The following KATNAL1 variants were observed in gnomAD, a reference collection of about 807,000 sequenced individuals.
The protein encoded by KATNAL1 is katanin p60 ATPase-containing subunit A-like 1.
KATNAL1 carries 32 observed loss-of-function variants against 55.2 expected under a neutral mutation model. The ratio of observed to expected loss-of-function variants is 0.58; its 90% CI spans 0.44 to 0.78. KATNAL1 has a LOEUF of 0.78. Ranked by LOEUF, KATNAL1 falls within the 30% of genes least tolerant of loss-of-function variation. The pLI, the probability that KATNAL1 is intolerant of heterozygous loss-of-function variation, is 0.00. For synonymous variants in KATNAL1, 193 were observed against 193.6 expected (o/e 1.00, Z 0.02); for missense variants, 466 against 600.9 (o/e 0.78, Z 2.35).
chr13:30,223,457 A>C lies in KATNAL1; in HGVS notation c.1147+3955T>G, dbSNP rs566931991. On this transcript the variant is annotated intron_variant, in intron 9 of 10. Transcript: ENST00000380615. ...ACTCCATCTCAAAAAAAAAAAAAAA[A>C]AAAAAAAAAACTGCACCGTAAATAT... 2.9e-4 allele frequency among the ~76,000 whole-genome samples: 44 copies of C among 150,868 alleles called. No individual in the cohort carries two copies. The South Asian group carries it at 8.8e-3, about 30-fold the overall frequency.
At chr13:30,290,924 T>C (rs530119547) in intron 1 of KATNAL1, among the ~76,000 whole-genome samples, 63 of 152,304 alleles carry the variant, frequency 4.1e-4, no homozygotes, top group African/African-American at 1.5e-3. Flanking sequence ...TAAGAATGCT[T>C]AGCAAACTAA....
intron 3 of KATNAL1, among the ~76,000 whole-genome samples, chr13:30,279,551 G>A (rs544648718): frequency 1.3e-5 from 2 of 152,318 alleles, no homozygotes; most frequent in South Asian, 4.1e-4. Context: ...CGTAAATGAT[G>A]CACAGGCTGG....
intron 8 of KATNAL1, among the ~76,000 whole-genome samples, chr13:30,230,102 G>A (rs1299680551): frequency 1.3e-5 from 2 of 152,032 alleles, no homozygotes; most frequent in Admixed American, 6.6e-5. Flanking sequence ...GAGAATGAGA[G>A]TGAAAAAGAA....
chr13:30,249,840 T>C (rs1398230770), intron 4 of KATNAL1, among the ~76,000 whole-genome samples: 2 of 152,342 alleles, frequency 1.3e-5, no homozygotes, highest in East Asian at 3.9e-4. Flanking sequence ...AGTGAGATGC[T>C]GAAGTTGTTT....
intron 4 of KATNAL1, among the ~76,000 whole-genome samples, chr13:30,250,074 A>C (rs1878159727): frequency 6.6e-6 from 1 of 152,208 alleles, no homozygotes; most frequent in Non-Finnish European, 1.5e-5. Context: ...ACACCATAGA[A>C]TGGTAGGCTG....
rs1880187493 is a variant in KATNAL1, at chr13:30,270,160, A to G, written c.323+9903T>C. Among the ~76,000 whole-genome samples the G allele has an allele frequency of 1.6e-5, 2 of 125,334 alleles. 1 individual carries two copies. The highest frequency in any genetic ancestry group is 3.5e-5 in the Non-Finnish European group (2 of 57,256). 82.2% of individuals were successfully genotyped at this position (125,334 alleles called of 152,430 possible). A position where few individuals can be genotyped will look rare whatever the true frequency, so the allele number is the denominator to read the frequency against. ...CGGCCGCCCCTACTGGGAAGTGAGG[A>G]GCCTCTCTGCCCAGCCAGCCGCCTC... On this transcript the variant is annotated intron_variant, in intron 3 of 10. Transcript: ENST00000380615.
rs1270504726 is a variant in KATNAL1 at position 30,203,866 on chromosome 13, A to C, written c.*4674T>G. 4 of 151,970 alleles carry C rather than the reference A, an allele frequency of 2.6e-5. No homozygotes were observed. The highest frequency in any genetic ancestry group is 6.5e-5 in the Admixed American group (1 of 15,268). 9.4% of individuals were successfully genotyped at this position (151,970 alleles called of 1,614,324 possible). A position where few individuals can be genotyped will look rare whatever the true frequency, so the allele number is the denominator to read the frequency against. On this transcript the variant is annotated 3_prime_UTR_variant, in exon 11 of 11. Coordinates refer to ENST00000380615, the MANE Select transcript of KATNAL1 (RefSeq NM_032116.5). ...AAAATACACAATTTCCACATTAAGAAACAAATATTAAAAGCAAATGTCAAA... is the reference window on the plus strand; with the variant it reads ...AAAATACACAATTTCCACATTAAGACACAAATATTAAAAGCAAATGTCAAA...
rs561403258 is a variant in KATNAL1 at position 30,203,747 on chromosome 13, CT to C, written c.*4792del. On this transcript the variant is annotated 3_prime_UTR_variant, in exon 11 of 11. Coordinates refer to ENST00000380615, the MANE Select transcript of KATNAL1 (RefSeq NM_032116.5). ...AATATCATTAAAGCTAAACAGTTGT[CT>C]GGAGCCAAAAAACCTAATAAAAATT... 115 of 152,100 alleles carry C rather than the reference CT, an allele frequency of 7.6e-4. No homozygotes were observed. The highest frequency in any genetic ancestry group is 2.7e-3 in the African/African-American group (111 of 41,522). The allele number at this position is 152,100 out of a possible 1,614,324, so 9.4% of individuals were successfully genotyped here. A position where few individuals can be genotyped will look rare whatever the true frequency, so the allele number is the denominator to read the frequency against.
At chr13:30,289,075 G>A (rs1179555475) in intron 1 of KATNAL1, among the ~76,000 whole-genome samples, 2 of 152,030 alleles carry the variant, frequency 1.3e-5, no homozygotes, top group African/African-American at 4.8e-5. Flanking sequence ...CTTCATTCAG[G>A]TTGCATGCCA....
At chr13:30,221,608 TAC>T (rs1874865072) in intron 9 of KATNAL1, among the ~76,000 whole-genome samples, 1 of 152,362 alleles carries the variant, frequency 6.6e-6, no homozygotes, top group African/African-American at 2.4e-5. Flanking sequence ...TACTAAAACT[TAC>T]AGACTTTACA....
chr13:30,260,455 G>T (rs918896256), intron 3 of KATNAL1, among the ~76,000 whole-genome samples: 1 of 152,178 alleles, frequency 6.6e-6, no homozygotes, highest in African/African-American at 2.4e-5. Context: ...CAAAGGCAAA[G>T]AAGTTGAAAA....
chr13:30,234,485 C>CTCTTTT (rs1566097152), intron 6 of KATNAL1, among the ~76,000 whole-genome samples: 147 of 152,278 alleles, frequency 9.7e-4, no homozygotes, highest in African/African-American at 3.3e-3. Context: ...CTTCTTGAAA[C>CTCTTTT]CCTGACACTG....
At chr13:30,250,427 C>T (rs1382118500) in intron 4 of KATNAL1, among the ~76,000 whole-genome samples, 1 of 152,170 alleles carries the variant, frequency 6.6e-6, no homozygotes, top group East Asian at 1.9e-4. Flanking sequence ...CACACATACA[C>T]CTTTTTTTCA....
intron 1 of KATNAL1, among the ~76,000 whole-genome samples, chr13:30,291,758 G>A (rs942324773): frequency 1.3e-5 from 2 of 152,144 alleles, no homozygotes; most frequent in Non-Finnish European, 2.9e-5. Flanking sequence ...AATCATGGCC[G>A]GGCACGGTGA....
chr13:30,231,853 G>A (rs947258651), intron 6 of KATNAL1, among the ~76,000 whole-genome samples: 2 of 152,066 alleles, frequency 1.3e-5, no homozygotes, highest in Non-Finnish European at 2.9e-5. Flanking sequence ...ATCACATGTG[G>A]CAGAATTACA....
chr13:30,263,566 T>C (rs1879488320), intron 3 of KATNAL1, among the ~76,000 whole-genome samples: 2 of 152,168 alleles, frequency 1.3e-5, no homozygotes, highest in South Asian at 2.1e-4. Context: ...AGCATTCTTA[T>C]ACACCAACAA....
intron 6 of KATNAL1, among the ~76,000 whole-genome samples, chr13:30,233,968 G>A (rs1876381800): frequency 6.6e-6 from 1 of 152,160 alleles, no homozygotes; most frequent in Non-Finnish European, 1.5e-5. Context: ...ATTAAGAGAG[G>A]CTGATTAATG....
At chr13:30,264,558 T>C (rs1179406110) in intron 3 of KATNAL1, among the ~76,000 whole-genome samples, 4 of 150,994 alleles carry the variant, frequency 2.6e-5, no homozygotes, top group African/African-American at 9.8e-5. Context: ...AAAAAGTGGG[T>C]TAAGGACATG....
chr13:30,239,427 C>T (rs1025725512), intron 6 of KATNAL1, among the ~76,000 whole-genome samples: 8 of 152,020 alleles, frequency 5.3e-5, no homozygotes, highest in Non-Finnish European at 1.2e-4. Flanking sequence ...AAATAAAATA[C>T]ATTTATTGTC....
Sources: gnomAD v4.1 joint callset for allele counts (sites outside exome capture counted in the v4.1 genomes callset) on GRCh38, gnomAD v4.1.1 for gene constraint, MANE v1.5 for transcripts, NCBI Gene and HGNC (gene_info 2026-07-23, HGNC 2026-07-21) for gene names.